IL34: variants seen among roughly 807,000 people sequenced by gnomAD.
The protein encoded by IL34 is interleukin-34.
A neutral mutation model predicts 25.3 loss-of-function variants in IL34; 17 were observed. That is an observed-to-expected ratio of 0.67 (90% CI 0.46 to 1.01). The LOEUF (loss-of-function observed/expected upper bound fraction) is 1.01, where lower values mean the gene tolerates loss of function less well. IL34 is among the 50% of genes least tolerant of loss of function. The pLI is 0.00. For missense variants in IL34, 368 were observed against 312.9 expected (o/e 1.18, Z -1.33); for synonymous variants, 174 against 140.9 (o/e 1.23, Z -1.66).
At chr16:70,611,725 T>C (rs1597746115) in intron 1 of IL34, among the ~76,000 whole-genome samples, 2 of 152,018 alleles carry the variant, frequency 1.3e-5, no homozygotes, top group Admixed American at 6.6e-5. Flanking sequence ...GCACCTGTAA[T>C]CCCAGCTACT....
At chr16:70,617,630 A>G (rs985928979) in intron 1 of IL34, among the ~76,000 whole-genome samples, 2 of 152,196 alleles carry the variant, frequency 1.3e-5, no homozygotes, top group East Asian at 3.9e-4. Flanking sequence ...GGAAAGTGGT[A>G]AAAGTATTGT....
chr16:70,626,046 C>G (rs931650181), intron 1 of IL34, among the ~76,000 whole-genome samples: 14 of 152,250 alleles, frequency 9.2e-5, no homozygotes, highest in African/African-American at 3.4e-4. Context: ...GACCACCACA[C>G]AGGCTTTGTG....
intron 1 of IL34, among the ~76,000 whole-genome samples, chr16:70,619,065 G>A (rs1003149604): frequency 1.3e-5 from 2 of 152,208 alleles, no homozygotes; most frequent in African/African-American, 4.8e-5. Flanking sequence ...ATAAGGCATA[G>A]ATCCTGAACT....
intron 1 of IL34, among the ~76,000 whole-genome samples, chr16:70,627,084 T>G (rs570231415): frequency 6.6e-6 from 1 of 152,214 alleles, no homozygotes; most frequent in African/African-American, 2.4e-5. Flanking sequence ...CACCTCAGCC[T>G]CCCAAAGTGC....
intron 1 of IL34, among the ~76,000 whole-genome samples, chr16:70,640,854 C>T (rs1331394207): frequency 6.6e-6 from 1 of 152,114 alleles, no homozygotes; most frequent in Non-Finnish European, 1.5e-5. Context: ...AATCCCCTTC[C>T]CCACTCCCCA....
intron 1 of IL34, among the ~76,000 whole-genome samples, chr16:70,652,954 A>G (rs984523352): frequency 1.4e-4 from 22 of 152,214 alleles, no homozygotes; most frequent in Non-Finnish European, 8.8e-5. Context: ...CTGTAAATCC[A>G]GCACTTTGGG....
chr16:70,597,682 T>C (rs2050844139), intron 1 of IL34, among the ~76,000 whole-genome samples: 1 of 152,212 alleles, frequency 6.6e-6, no homozygotes. Context: ...TTTTCTTACA[T>C]GATGATGTAC....
At chr16:70,618,066 G>C (rs1418055927) in intron 1 of IL34, among the ~76,000 whole-genome samples, 1 of 152,200 alleles carries the variant, frequency 6.6e-6, no homozygotes, top group Admixed American at 6.5e-5. Context: ...AATCCCTGAG[G>C]AGTAGTAGAA....
chr16:70,643,905 A>T (rs1481777480), upstream of IL34, among the ~76,000 whole-genome samples: 1 of 152,092 alleles, frequency 6.6e-6, no homozygotes, highest in Non-Finnish European at 1.5e-5. Context: ...CATGTTTGAG[A>T]TTTGCTTTAA....
At chr16:70,655,782 CAG>C (rs960940359) in intron 2 of IL34, among the ~76,000 whole-genome samples, 2 of 151,926 alleles carry the variant, frequency 1.3e-5, no homozygotes, top group African/African-American at 2.4e-5. Flanking sequence ...GATCATAGCT[CAG>C]TGTAAACTTA....
At chr16:70,641,511 C>A (rs971099940) in intron 1 of IL34, among the ~76,000 whole-genome samples, 1 of 141,710 alleles carries the variant, frequency 7.1e-6, no homozygotes, top group African/African-American at 2.7e-5. Flanking sequence ...CTCCCTCTCT[C>A]CCTCCCTCCC....
chr16:70,582,356 T>C (rs181978901), intron 1 of IL34, among the ~76,000 whole-genome samples: 1 of 152,354 alleles, frequency 6.6e-6, no homozygotes, highest in Non-Finnish European at 1.5e-5. Flanking sequence ...ACTGGAGAGT[T>C]TCTGGAACAT....
rs902796932 is a variant in IL34 at position 70,657,333 on chromosome 16, G to C, written c.402+212G>C. The C allele has an allele frequency of 3.5e-5, 20 of 573,876 alleles. No individual in the cohort carries two copies. The South Asian group carries it at 4.2e-4, about 12-fold the overall frequency. The allele number at this position is 573,876 out of a possible 1,614,324, so 35.5% of individuals were successfully genotyped here. ...CGTGGTGGTCATGAGAGCCGGGCTC[G>C]GGGTGCAGGCGATGCCTCTGAGACT... On this transcript the variant is annotated intron_variant, in intron 4 of 5. Coordinates refer to ENST00000288098, the MANE Select transcript of IL34 (RefSeq NM_001393494.1).
chr16:70,611,806 T>C (rs2051095158), intron 1 of IL34, among the ~76,000 whole-genome samples: 1 of 152,114 alleles, frequency 6.6e-6, no homozygotes, highest in Non-Finnish European at 1.5e-5. Context: ...ATCACACCAC[T>C]GCACTGCAGC....
intron 1 of IL34, among the ~76,000 whole-genome samples, chr16:70,582,781 C>A (rs2151801586): frequency 6.6e-6 from 1 of 152,344 alleles, no homozygotes; most frequent in African/African-American, 2.4e-5. Flanking sequence ...GCACAAGATG[C>A]CTCTCTGCTG....
upstream of IL34, among the ~76,000 whole-genome samples, chr16:70,644,712 GGGA>G (rs1175743570): frequency 7.1e-6 from 1 of 140,524 alleles, no homozygotes; most frequent in Non-Finnish European, 1.5e-5. Flanking sequence ...GAGGAGGAGG[GGGA>G]GGAGGAGGGG....
intron 1 of IL34, among the ~76,000 whole-genome samples, chr16:70,635,659 ACAAT>A (rs2051625658): frequency 6.6e-6 from 1 of 152,208 alleles, no homozygotes; most frequent in Non-Finnish European, 1.5e-5. Flanking sequence ...GCCTTCTTTC[ACAAT>A]CAAGTAAGTA....
At chr16:70,618,551 T>A (rs943013998) in intron 1 of IL34, among the ~76,000 whole-genome samples, 6 of 152,174 alleles carry the variant, frequency 3.9e-5, no homozygotes, top group African/African-American at 1.2e-4. Context: ...AAAGTATTAA[T>A]GCAGCGGCAG....
At chr16:70,645,027 GA>G (rs1449446220), upstream of IL34, among the ~76,000 whole-genome samples, 1 of 148,346 alleles carries the variant, frequency 6.7e-6, no homozygotes, top group Non-Finnish European at 1.5e-5. Context: ...GGAGGAGAAG[GA>G]AAAAGGAAGG....
Sources: allele counts gnomAD v4.1 joint callset (sites outside exome capture counted in the v4.1 genomes callset), GRCh38; gene constraint gnomAD v4.1.1; transcripts MANE v1.5; gene names NCBI Gene and HGNC (gene_info 2026-07-23, HGNC 2026-07-21).